Variants in USP33 observed in about 807,000 individuals in gnomAD.
USP33 encodes ubiquitin carboxyl-terminal hydrolase 33.
In USP33, 46 loss-of-function variants were observed where a neutral mutation model predicts 124.2. The ratio of observed to expected loss-of-function variants is 0.37; its 90% CI spans 0.29 to 0.47. The LOEUF is 0.47. USP33 is among the 20% of genes least tolerant of loss of function. The pLI is 0.99. For missense variants in USP33, 851 were observed against 1,070.6 expected (o/e 0.79, Z 2.86); for synonymous variants, 350 against 352.3 (o/e 0.99, Z 0.07).
Position 77,714,603 on chromosome 1 carries a change from G to A in USP33, c.2215+11C>T, listed in dbSNP as rs1016267719. 1.2e-6 allele frequency: 2 copies of A among 1,607,456 alleles called. No individual in the cohort carries two copies. The highest frequency in any genetic ancestry group is 8.5e-7 in the Non-Finnish European group (1 of 1,178,210). ...ACTTCTACTACCGGTTTGCATTACA[G>A]GAGTTCTTACCTCCATGAATACAAA... On this transcript the variant is annotated intron_variant, in intron 19 of 23. Coordinates refer to ENST00000370794, the MANE Select transcript of USP33 (RefSeq NM_201624.3).
chr1:77,703,764 T>C (rs1211026704), intron 21 of USP33, among the ~76,000 whole-genome samples: 1 of 152,096 alleles, frequency 6.6e-6, no homozygotes, highest in Non-Finnish European at 1.5e-5. Context: ...ATTTATTAAA[T>C]ATAAGCTCTG....
intron 20 of USP33, 123 bp from the exon 21 acceptor site, chr1:77,711,978 C>A (rs551734709): frequency 5.2e-6 from 5 of 961,764 alleles, no homozygotes; most frequent in South Asian, 3.5e-5. Flanking sequence ...ATATAAAAAT[C>A]AAAAATCATA....
chr1:77,746,012 G>A (rs1188907755), intron 1 of USP33, among the ~76,000 whole-genome samples: 1 of 152,056 alleles, frequency 6.6e-6, no homozygotes, highest in African/African-American at 2.4e-5. Flanking sequence ...GCTAGCAGAA[G>A]GCAAGAAATA....
intron 18 of USP33, 75 bp from the exon 19 acceptor site, chr1:77,714,858 T>C (rs1675684449): frequency 6.9e-7 from 1 of 1,446,926 alleles, no homozygotes; most frequent in African/African-American, 1.4e-5. Context: ...TTCTTCTTAT[T>C]AGACTTAACA....
chr1:77,727,845 A>C (rs997935546), intron 10 of USP33, among the ~76,000 whole-genome samples: 6 of 152,198 alleles, frequency 3.9e-5, no homozygotes, highest in African/African-American at 1.4e-4. Flanking sequence ...ATCATGGCAT[A>C]ATCTATCACA....
At chr1:77,699,736 T>G (rs1286984119) in intron 22 of USP33, among the ~76,000 whole-genome samples, 1 of 152,158 alleles carries the variant, frequency 6.6e-6, no homozygotes, top group Non-Finnish European at 1.5e-5. Flanking sequence ...TAAAGATACA[T>G]GCACACATAT....
rs188588075 is a variant in USP33 at position 77,732,583 on chromosome 1, T to C, written c.524+1764A>G. Among the ~76,000 whole-genome samples, 139 of 152,284 alleles carry C rather than the reference T, an allele frequency of 9.1e-4. 1 individual carries two copies. The East Asian group carries it at 0.019, about 21-fold the overall frequency. On this transcript the variant is annotated intron_variant, in intron 7 of 23. Coordinates refer to ENST00000370794, the MANE Select transcript of USP33 (RefSeq NM_201624.3). The stretch of plus-strand genomic sequence containing the variant: ...TGAGAATAAAGACCTACATCTTTAA[T>C]GTGGTCTACATAACCTAGACCCATG...
At chr1:77,703,744 C>T (rs1163186525) in intron 21 of USP33, among the ~76,000 whole-genome samples, 1 of 152,156 alleles carries the variant, frequency 6.6e-6, no homozygotes, top group African/African-American at 2.4e-5. Context: ...TTTAATATAA[C>T]ATATAACATA....
At chr1:77,744,915 A>C (rs1181766649) in intron 1 of USP33, among the ~76,000 whole-genome samples, 1 of 152,222 alleles carries the variant, frequency 6.6e-6, no homozygotes, top group Non-Finnish European at 1.5e-5. Context: ...TATGGTGTGG[A>C]AAGTTCTGTA....
intron 20 of USP33, 107 bp from the exon 21 acceptor site, chr1:77,711,962 A>C: frequency 1.8e-6 from 2 of 1,111,306 alleles, no homozygotes; most frequent in Non-Finnish European, 2.5e-6. Flanking sequence ...TAAAATTCTC[A>C]AAGTAATATA....
At chr1:77,749,227 T>C (rs1296310526) in intron 1 of USP33, among the ~76,000 whole-genome samples, 1 of 152,230 alleles carries the variant, frequency 6.6e-6, no homozygotes, top group Non-Finnish European at 1.5e-5. Context: ...TATCTTTTTC[T>C]TCTACAAGAT....
chr1:77,758,621 C>T (rs992206161), intron 1 of USP33, among the ~76,000 whole-genome samples: 1 of 152,072 alleles, frequency 6.6e-6, no homozygotes, highest in Non-Finnish European at 1.5e-5. Context: ...AATTCACTAA[C>T]AATATTTGTA....
intron 1 of USP33, among the ~76,000 whole-genome samples, chr1:77,749,105 T>C (rs773029379): frequency 4.6e-5 from 7 of 152,252 alleles, no homozygotes; most frequent in Non-Finnish European, 2.9e-5. Context: ...ACTTTGACAG[T>C]ATAGCATTAC....
At chr1:77,758,564 G>C (rs1570890824) in intron 1 of USP33, among the ~76,000 whole-genome samples, 1 of 151,948 alleles carries the variant, frequency 6.6e-6, no homozygotes, top group African/African-American at 2.4e-5. Context: ...CATAAAACTA[G>C]CATTGTCTTT....
chr1:77,757,461 T>C (rs1194527165), intron 1 of USP33, among the ~76,000 whole-genome samples: 1 of 152,236 alleles, frequency 6.6e-6, no homozygotes, highest in Non-Finnish European at 1.5e-5. Context: ...TTTTTATAGA[T>C]AGTTAAAAGC....
Position 77,759,808 on chromosome 1 carries a change from A to T in USP33, c.-217T>A. 1 of 397,214 alleles carries T rather than the reference A, an allele frequency of 2.5e-6. No individual in the cohort carries two copies. Among genetic ancestry groups the T allele is most frequent in the Non-Finnish European group, 4.4e-6 (1 of 225,218 alleles). 24.6% of individuals were successfully genotyped at this position (397,214 alleles called of 1,614,324 possible). ...CTGCCCTCGGGGGGTCCGCCTCCTG[A>T]ACTGGCCACTTCCCGCAGCAGCCGC... On this transcript the variant is annotated 5_prime_UTR_variant, in exon 1 of 24. Coordinates refer to ENST00000370794, the MANE Select transcript of USP33 (RefSeq NM_201624.3).
intron 21 of USP33, chr1:77,711,506 G>A (rs370165929): frequency 3.9e-5 from 17 of 440,402 alleles, no homozygotes; most frequent in South Asian, 1.9e-4. Context: ...CAGCCTGGGC[G>A]ACAGAGCAAG....
chr1:77,754,371 T>G (rs569260063), intron 1 of USP33, among the ~76,000 whole-genome samples: 1 of 152,066 alleles, frequency 6.6e-6, no homozygotes, highest in African/African-American at 2.4e-5. Context: ...TGGAAGAAAA[T>G]TGCTACCCAA....
intron 21 of USP33, among the ~76,000 whole-genome samples, chr1:77,703,490 G>A (rs111935162): frequency 1.3e-5 from 2 of 152,184 alleles, no homozygotes; most frequent in Admixed American, 1.3e-4. Flanking sequence ...TAGGCATGGT[G>A]GTGGGTGCCT....
Sources: allele counts gnomAD v4.1 joint callset (sites outside exome capture counted in the v4.1 genomes callset), GRCh38; gene constraint gnomAD v4.1.1; transcripts MANE v1.5; gene names NCBI Gene and HGNC (gene_info 2026-07-23, HGNC 2026-07-21).